CCM2: variants seen among roughly 807,000 people sequenced by gnomAD.
CCM2 encodes the protein cerebral cavernous malformations 2 protein.
In CCM2, 25 loss-of-function variants were observed where a neutral mutation model predicts 44.9. That is an observed-to-expected ratio of 0.56 (90% CI 0.41 to 0.78). The LOEUF (loss-of-function observed/expected upper bound fraction) is 0.78. Ranked by LOEUF, CCM2 falls within the 30% of genes least tolerant of loss-of-function variation. CCM2 has a pLI of 0.00. For synonymous variants in CCM2, 219 were observed against 241.1 expected (o/e 0.91, Z 0.85); for missense variants, 481 against 580.6 (o/e 0.83, Z 1.76).
intron 8 of CCM2, 197 bp from the exon 9 acceptor site, chr7:45,074,073 G>GGAGC: frequency 8.2e-7 from 1 of 1,213,838 alleles, no homozygotes; most frequent in African/African-American, 1.5e-5. Flanking sequence ...GGGTGCCTTG[G>GGAGC]TCTCCTCTGG....
At chr7:45,074,199 G>A in intron 8 of CCM2, 71 bp from the exon 9 acceptor site, 1 of 1,607,382 alleles carries the variant, frequency 6.2e-7, no homozygotes, top group Non-Finnish European at 8.5e-7. Context: ...TAGTGGCTGT[G>A]GCAAGGTGGG....
At chr7:45,013,844 G>A (rs943891384) in intron 1 of CCM2, among the ~76,000 whole-genome samples, 1 of 152,048 alleles carries the variant, frequency 6.6e-6, no homozygotes, top group East Asian at 1.9e-4. Context: ...TTTTCCTCAT[G>A]AGTTTATGTG....
At position 45,034,677 on chromosome 7, in the gene CCM2, C is replaced by G. The variant is rs565537603; in HGVS notation, c.31-3576C>G. On this transcript the variant is annotated intron_variant, in intron 1 of 9. Coordinates refer to ENST00000258781, the MANE Select transcript of CCM2 (RefSeq NM_031443.4). ...GGGATTACAGGCGCCCGCCACCACA[C>G]CCAGCTAATTTTTGTTATTTTTAGT... Among the ~76,000 whole-genome samples the G allele has an allele frequency of 1.9e-3, 289 of 151,428 alleles. 1 individual carries two copies. Among genetic ancestry groups the G allele is most frequent in the African/African-American group, 6.6e-3 (270 of 41,214 alleles).
intron 2 of CCM2, among the ~76,000 whole-genome samples, chr7:45,054,836 C>T (rs953317212): frequency 6.6e-6 from 1 of 152,200 alleles, no homozygotes; most frequent in Admixed American, 6.5e-5. Context: ...GGGTGTTGGC[C>T]AGGGGACACC....
chr7:45,008,162 C>T (rs1795919929), intron 1 of CCM2, among the ~76,000 whole-genome samples: 1 of 151,388 alleles, frequency 6.6e-6, no homozygotes, highest in Non-Finnish European at 1.5e-5. Context: ...GCCTCAGCCT[C>T]CCAAGTAGCT....
chr7:45,053,260 G>GGT (rs1244639784), intron 2 of CCM2, among the ~76,000 whole-genome samples: 2 of 152,182 alleles, frequency 1.3e-5, no homozygotes, highest in African/African-American at 4.8e-5. Flanking sequence ...AAATCACTGT[G>GGT]GTGTGTACTT....
At chr7:45,013,401 TATATACAGAGTACACAGAGC>T in intron 1 of CCM2, among the ~76,000 whole-genome samples, 3 of 152,070 alleles carry the variant, frequency 2.0e-5, no homozygotes, top group East Asian at 3.9e-4. Flanking sequence ...GCACACAGAG[TATATACAGAGTACACAGAGC>T]CCTCATACGC....
chr7:45,030,396 A>G (rs984493456), intron 1 of CCM2, among the ~76,000 whole-genome samples: 2 of 152,296 alleles, frequency 1.3e-5, no homozygotes, highest in African/African-American at 4.8e-5. Flanking sequence ...GTTTACTGGA[A>G]TCCTGATTCT....
At chr7:45,025,680 A>G (rs1367250626) in intron 1 of CCM2, among the ~76,000 whole-genome samples, 1 of 152,116 alleles carries the variant, frequency 6.6e-6, no homozygotes, top group Non-Finnish European at 1.5e-5. Flanking sequence ...ATTAACAGGC[A>G]TGCGCCATCA....
chr7:45,049,894 T>TA (rs767147779), intron 2 of CCM2, among the ~76,000 whole-genome samples: 9 of 152,134 alleles, frequency 5.9e-5, no homozygotes, highest in East Asian at 1.9e-4. Context: ...TAAAAAATAA[T>TA]ACAAATTTAA....
rs150076154 is a variant in CCM2, at chr7:45,069,852, G to T, written c.636G>T (p.Leu212=). The T allele has an allele frequency of 1.2e-6, 2 of 1,614,094 alleles. No homozygotes were observed. Among genetic ancestry groups the T allele is most frequent in the African/African-American group, 2.7e-5 (2 of 74,962 alleles). Residue 212 remains leucine (L), a synonymous_variant, in exon 6 of 10, where the codon CTG becomes CTT. Transcript: ENST00000258781. Reference sequence around the variant, plus strand: ...TCGCTGCGGAGGAGCTTTGCTGTCTGCTAGGCCAGGTCTTCCAGGTTGTTT... The same window carrying T: ...TCGCTGCGGAGGAGCTTTGCTGTCTTCTAGGCCAGGTCTTCCAGGTTGTTT... ...SKVAAEELCC[L]LGQVFQVVYT...
rs1159053824 is a variant in CCM2 at position 45,075,778 on chromosome 7, T to A, written c.1056T>A (p.Gly352=). The part of the protein sequence containing the change: ...YGDSRKFLLL[G]LRPFIPEKDS... ...ATGCTGGGTGTTGTGTGTCTGCAGG[T>A]CTGAGGCCCTTCATCCCTGAGAAGG... Residue 352 remains glycine, a splice_region_variant and synonymous_variant, in exon 10 of 10, where the codon GGT becomes GGA. Coordinates refer to ENST00000258781, the MANE Select transcript of CCM2 (RefSeq NM_031443.4). 6.2e-7 allele frequency: 1 copy of A among 1,613,472 alleles called. No homozygotes were observed. Among genetic ancestry groups the A allele is most frequent in the African/African-American group, 1.3e-5 (1 of 74,888 alleles).
At chr7:45,035,501 A>T (rs1159610983) in intron 1 of CCM2, among the ~76,000 whole-genome samples, 1 of 152,020 alleles carries the variant, frequency 6.6e-6, no homozygotes, top group Non-Finnish European at 1.5e-5. Flanking sequence ...GTCAACGGGG[A>T]ACTACTCTGG....
intron 1 of CCM2, among the ~76,000 whole-genome samples, chr7:45,015,524 G>A (rs1229001516): frequency 2.0e-5 from 3 of 152,200 alleles, no homozygotes; most frequent in Non-Finnish European, 4.4e-5. Flanking sequence ...GATGAAAAAA[G>A]GGTAAAGGTC....
In CCM2 at chr7:45,000,380, G is replaced by T. The variant is rs557904216; in HGVS notation, c.30+17G>T. ...GGCAAGAAGGTGAGCGTGCGCGGGG[G>T]CGTCCTACTGCTGTGGTCGGCGGGC... On this transcript the variant is annotated intron_variant, in intron 1 of 9. Transcript: ENST00000258781. The T allele has an allele frequency of 6.6e-5, 85 of 1,286,624 alleles. No homozygotes were observed. In the South Asian group the frequency reaches 2.1e-3, roughly 32 times the overall value. The allele number at this position is 1,286,624 out of a possible 1,614,324, so 79.7% of individuals were successfully genotyped here.
intron 1 of CCM2, among the ~76,000 whole-genome samples, chr7:45,031,003 C>T (rs918672565): frequency 1.3e-5 from 2 of 152,016 alleles, no homozygotes; most frequent in African/African-American, 4.8e-5. Flanking sequence ...TGATTACAGG[C>T]GTGAGTCATT....
intron 2 of CCM2, among the ~76,000 whole-genome samples, chr7:45,046,295 A>G (rs1797751753): frequency 6.6e-6 from 1 of 152,240 alleles, no homozygotes; most frequent in African/African-American, 2.4e-5. Flanking sequence ...AGAATAGCTA[A>G]TAATAATTTT....
At chr7:45,068,163 G>A (rs962684187) in intron 4 of CCM2, 9 of 496,056 alleles carry the variant, frequency 1.8e-5, no homozygotes, top group Non-Finnish European at 3.0e-5. Context: ...CTGTTCTCAG[G>A]GTTGTATATG....
At chr7:45,043,053 GC>G (rs1235096467) in intron 2 of CCM2, among the ~76,000 whole-genome samples, 2 of 149,688 alleles carry the variant, frequency 1.3e-5, no homozygotes, top group Non-Finnish European at 3.0e-5. Context: ...GTTCACTGCA[GC>G]CTCGACCTTC....
Sources: gnomAD v4.1 joint callset for allele counts (sites outside exome capture counted in the v4.1 genomes callset) on GRCh38, gnomAD v4.1.1 for gene constraint, MANE v1.5 for transcripts, NCBI Gene and HGNC (gene_info 2026-07-23, HGNC 2026-07-21) for gene names.